Variants in SMYD3 observed in about 807,000 individuals in gnomAD.
SMYD3 encodes histone-lysine N-methyltransferase SMYD3.
Under a neutral mutation model 57.7 loss-of-function variants are expected in SMYD3, and 36 were observed. The ratio of observed to expected loss-of-function variants is 0.62; its 90% CI spans 0.48 to 0.82. The LOEUF (loss-of-function observed/expected upper bound fraction) is 0.82, where lower values mean the gene tolerates loss of function less well. Among genes scored for constraint, SMYD3 ranks in the 40% least tolerant of loss-of-function variants. The probability of loss-of-function intolerance (pLI) is 0.00; values close to 1 mark genes in which losing one functional copy is unlikely to be tolerated. For synonymous variants in SMYD3, 211 were observed against 195.0 expected (o/e 1.08, Z -0.68); for missense variants, 515 against 538.8 (o/e 0.96, Z 0.44).
chr1:246,492,345 C>A (rs1193473833), intron 1 of SMYD3, among the ~76,000 whole-genome samples: 1 of 152,104 alleles, frequency 6.6e-6, no homozygotes, highest in South Asian at 2.1e-4. Context: ...TTTCCAAGCT[C>A]CCCAGGTGAT....
At chr1:246,265,461 GTTGT>G (rs969659904) in intron 5 of SMYD3, among the ~76,000 whole-genome samples, 2 of 151,900 alleles carry the variant, frequency 1.3e-5, no homozygotes, top group Non-Finnish European at 2.9e-5. Context: ...TTTTGTTGTT[GTTGT>G]TTGTTTGTCT....
rs145923374 is a variant in SMYD3, at chr1:246,162,743, T to C, written c.531+164458A>G. Among the ~76,000 whole-genome samples the C allele has an allele frequency of 5.1e-4, 77 of 152,338 alleles. 1 individual carries two copies. The highest frequency in any genetic ancestry group is 1.7e-3 in the African/African-American group (70 of 41,580). ...GGTTACTCAGAGGTACAGAGACTAG[T>C]GGTATGGTCAGGATTTCAACCGTAC... On this transcript the variant is annotated intron_variant, in intron 5 of 11. Coordinates refer to ENST00000490107, the MANE Select transcript of SMYD3 (RefSeq NM_001167740.2).
At chr1:245,962,389 C>G (rs140533726) in intron 5 of SMYD3, among the ~76,000 whole-genome samples, 10 of 152,228 alleles carry the variant, frequency 6.6e-5, no homozygotes, top group Admixed American at 5.9e-4. Flanking sequence ...TGTAGTTTTG[C>G]GGATGTTGAT....
At position 245,844,743 on chromosome 1, in the gene SMYD3, C is replaced by T. The variant is rs147049157; in HGVS notation, c.1076+13753G>A. Among the ~76,000 whole-genome samples the T allele has an allele frequency of 3.8e-3, 101 of 26,568 alleles. 1 individual carries two copies. Among genetic ancestry groups the T allele is most frequent in the African/African-American group, 0.014 (96 of 7,064 alleles). The allele number at this position is 26,568 out of a possible 152,430, so 17.4% of individuals were successfully genotyped here. A position where few individuals can be genotyped will look rare whatever the true frequency, so the allele number is the denominator to read the frequency against. ...AATAGTTCGAATGAAAGGCCAAGAA[C>T]GGACGACCATCACGGCTCCAACATG... On this transcript the variant is annotated intron_variant, in intron 10 of 11. Coordinates refer to ENST00000490107, the MANE Select transcript of SMYD3 (RefSeq NM_001167740.2).
chr1:245,920,247 A>G (rs2147797405), intron 7 of SMYD3, among the ~76,000 whole-genome samples: 1 of 139,604 alleles, frequency 7.2e-6, no homozygotes, highest in South Asian at 2.4e-4. Flanking sequence ...CGGGAGGCGG[A>G]GCTTGCAGTG....
intron 5 of SMYD3, among the ~76,000 whole-genome samples, chr1:246,006,822 C>T (rs114495162): frequency 0.011 from 1,622 of 152,238 alleles, 13 homozygotes; most frequent in South Asian, 0.024. Context: ...AACACATAAT[C>T]GCGGGGCTAT....
intron 1 of SMYD3, among the ~76,000 whole-genome samples, chr1:246,401,001 T>C (rs1166209805): frequency 6.6e-6 from 1 of 152,202 alleles, no homozygotes; most frequent in Non-Finnish European, 1.5e-5. Context: ...AAAGAAACTG[T>C]TCATACATCA....
At chr1:246,042,986 C>T (rs192231722) in intron 5 of SMYD3, among the ~76,000 whole-genome samples, 63 of 152,088 alleles carry the variant, frequency 4.1e-4, no homozygotes, top group Middle Eastern at 3.4e-3. Context: ...TCAAATGGTC[C>T]GAGTGGCCTA....
intron 10 of SMYD3, among the ~76,000 whole-genome samples, chr1:245,811,354 C>T (rs1295637295): frequency 1.3e-5 from 2 of 152,178 alleles, no homozygotes; most frequent in Non-Finnish European, 2.9e-5. Context: ...GATGTGTTTC[C>T]AGCCTACTTA....
chr1:246,495,132 G>A lies in SMYD3; in HGVS notation c.164+11922C>T, dbSNP rs180712875. Among the ~76,000 whole-genome samples, 324 of 151,786 alleles carry A rather than the reference G, an allele frequency of 2.1e-3. 4 individuals carry two copies. The highest frequency in any genetic ancestry group is 7.5e-3 in the African/African-American group (310 of 41,358). On this transcript the variant is annotated intron_variant, in intron 1 of 11. Transcript: ENST00000490107. ...TGGGAGGCCAAGGCGGGTGGATCAC[G>A]AGGTCAGGAGATCGAGACCATCCTG...
intron 5 of SMYD3, among the ~76,000 whole-genome samples, chr1:246,107,818 T>C (rs748328534): frequency 1.3e-5 from 2 of 151,960 alleles, no homozygotes; most frequent in African/African-American, 2.4e-5. Context: ...AACACAGGAG[T>C]AATTTTTAAA....
At chr1:246,121,308 G>A (rs910722792) in intron 5 of SMYD3, among the ~76,000 whole-genome samples, 13 of 152,026 alleles carry the variant, frequency 8.6e-5, no homozygotes, top group African/African-American at 2.9e-4. Context: ...TGCAGACTGA[G>A]TCAGATCATG....
intron 8 of SMYD3, among the ~76,000 whole-genome samples, chr1:245,893,732 G>A (rs2053545716): frequency 7.0e-6 from 1 of 142,764 alleles, no homozygotes; most frequent in African/African-American, 2.6e-5. Flanking sequence ...TTTGGGAGTG[G>A]TGGTGATAGA....
At position 246,051,490 on chromosome 1, in the gene SMYD3, G is replaced by C. The variant is rs527738488; in HGVS notation, c.532-121553C>G. Among the ~76,000 whole-genome samples, 23 of 152,054 alleles carry C rather than the reference G, an allele frequency of 1.5e-4. No homozygotes were observed. The South Asian group carries it at 4.8e-3, about 32-fold the overall frequency. On this transcript the variant is annotated intron_variant, in intron 5 of 11. Transcript: ENST00000490107. ...GAAGTTGGTCCTCATATCTAAAACA[G>C]AGTAAAAATACTCTTGACTATTTAC...
intron 5 of SMYD3, among the ~76,000 whole-genome samples, chr1:246,056,835 G>A (rs577660235): frequency 6.6e-6 from 1 of 152,152 alleles, no homozygotes; most frequent in South Asian, 2.1e-4. Flanking sequence ...AGGACTTCTT[G>A]CAAAGAGTTA....
chr1:245,791,869 C>T (rs966438617), intron 10 of SMYD3, among the ~76,000 whole-genome samples: 6 of 152,044 alleles, frequency 3.9e-5, no homozygotes, highest in South Asian at 2.1e-4. Flanking sequence ...ATCAGCTCTC[C>T]TCTCATGCTT....
chr1:245,819,266 A>C lies in SMYD3; in HGVS notation c.1076+39230T>G, dbSNP rs1380844944. Among the ~76,000 whole-genome samples, 3 of 139,932 alleles carry C rather than the reference A, an allele frequency of 2.1e-5. No individual in the cohort carries two copies. In the East Asian group the frequency reaches 6.4e-4, roughly 30 times the overall value. The allele number at this position is 139,932 out of a possible 152,430, so 91.8% of individuals were successfully genotyped here. A position where few individuals can be genotyped will look rare whatever the true frequency, so the allele number is the denominator to read the frequency against. On this transcript the variant is annotated intron_variant, in intron 10 of 11. Transcript: ENST00000490107. ...CACTCAAAACCACTCAACTACATGGAAACTGAACAACCTGCTCCTGAATGA... is the reference window on the plus strand; with the variant it reads ...CACTCAAAACCACTCAACTACATGGCAACTGAACAACCTGCTCCTGAATGA...
At chr1:246,416,345 C>T (rs1226102844) in intron 1 of SMYD3, among the ~76,000 whole-genome samples, 2 of 152,154 alleles carry the variant, frequency 1.3e-5, no homozygotes, top group East Asian at 1.9e-4. Context: ...AGAGGGACCA[C>T]TACTGTGACT....
At chr1:246,088,001 G>GA (rs930979573) in intron 5 of SMYD3, among the ~76,000 whole-genome samples, 19 of 151,666 alleles carry the variant, frequency 1.3e-4, no homozygotes, top group African/African-American at 4.6e-4. Flanking sequence ...CACTAATAAG[G>GA]AAAAAAAAGA....
Sources: gnomAD v4.1 joint callset for allele counts (sites outside exome capture counted in the v4.1 genomes callset) on GRCh38, gnomAD v4.1.1 for gene constraint, MANE v1.5 for transcripts, NCBI Gene and HGNC (gene_info 2026-07-23, HGNC 2026-07-21) for gene names.